Variants in CANX observed in about 807,000 individuals in gnomAD.
The protein encoded by CANX is calnexin.
CANX carries 14 observed loss-of-function variants against 75.7 expected under a neutral mutation model. That is an observed-to-expected ratio of 0.19 (90% CI 0.12 to 0.29). CANX has a LOEUF of 0.29. CANX is among the 10% of genes least tolerant of loss of function. CANX has a pLI of 1.00. For missense variants in CANX, 567 were observed against 713.2 expected, an observed-to-expected ratio of 0.79 and a Z score of 2.34; for synonymous variants, 227 against 236.9, an observed-to-expected ratio of 0.96 and a Z score of 0.38.
chr5:179,722,747 C>G, intron 10 of CANX, 57 bp from the exon 11 acceptor site: 1 of 1,232,910 alleles, frequency 8.1e-7, no homozygotes, highest in Non-Finnish European at 1.2e-6. Context: ...GTAGATTCAC[C>G]ATAAACTTTT....
intron 1 of CANX, among the ~76,000 whole-genome samples, chr5:179,692,386 T>C (rs1776313412): frequency 6.6e-6 from 1 of 152,118 alleles, no homozygotes; most frequent in Non-Finnish European, 1.5e-5. Context: ...TCTGTGTTCC[T>C]TATAACCAAA....
intron 1 of CANX, among the ~76,000 whole-genome samples, chr5:179,691,753 CTTCT>C (rs1776302079): frequency 6.6e-6 from 1 of 151,960 alleles, no homozygotes; most frequent in African/African-American, 2.4e-5. Context: ...CTATATCTCT[CTTCT>C]TTATTATTTA....
intron 7 of CANX, among the ~76,000 whole-genome samples, chr5:179,713,774 C>T (rs1777736835): frequency 6.6e-6 from 1 of 151,960 alleles, no homozygotes; most frequent in Admixed American, 6.6e-5. Flanking sequence ...ATTATTCAGG[C>T]TTGGTAGCAT....
chr5:179,696,531 C>T (rs978091508), upstream of CANX, among the ~76,000 whole-genome samples: 2 of 152,094 alleles, frequency 1.3e-5, no homozygotes, highest in Non-Finnish European at 2.9e-5. Flanking sequence ...CCGCCTCAGC[C>T]TCCCAAAGTG....
At chr5:179,715,434 A>AG (rs2113212334) in intron 7 of CANX, among the ~76,000 whole-genome samples, 1 of 152,278 alleles carries the variant, frequency 6.6e-6, no homozygotes, top group South Asian at 2.1e-4. Context: ...GCTACTGCGG[A>AG]GGCTGAGGCA....
intron 1 of CANX, among the ~76,000 whole-genome samples, chr5:179,686,528 T>C (rs1260762848): frequency 6.6e-6 from 1 of 151,986 alleles, no homozygotes; most frequent in Admixed American, 6.6e-5. Flanking sequence ...CTGGAGTCTA[T>C]TGGTGGTGTG....
intron 1 of CANX, among the ~76,000 whole-genome samples, chr5:179,704,953 G>T (rs1258114352): frequency 6.6e-6 from 1 of 151,888 alleles, no homozygotes; most frequent in East Asian, 1.9e-4. Flanking sequence ...TTGAGCAACC[G>T]TATCCATATT....
At chr5:179,700,781 A>G (rs1021504883) in intron 1 of CANX, 2 of 153,070 alleles carry the variant, frequency 1.3e-5, no homozygotes, top group African/African-American at 4.8e-5. Context: ...TTGCCCTGGA[A>G]GACAGCTTAA....
intron 7 of CANX, among the ~76,000 whole-genome samples, chr5:179,715,058 C>A (rs1269117816): frequency 6.6e-6 from 1 of 152,236 alleles, no homozygotes; most frequent in Non-Finnish European, 1.5e-5. Flanking sequence ...AGCCACCACA[C>A]CCGTTTCTTA....
At chr5:179,724,876 G>A in intron 13 of CANX, 93 bp downstream of exon 13, 7 of 1,475,526 alleles carry the variant, frequency 4.7e-6, no homozygotes, top group Non-Finnish European at 6.3e-6. Context: ...TTTTAGCCAG[G>A]CGTGGTGGCT....
chr5:179,688,599 G>C (rs1280868997), intron 1 of CANX, among the ~76,000 whole-genome samples: 1 of 149,360 alleles, frequency 6.7e-6, no homozygotes, highest in South Asian at 2.1e-4. Flanking sequence ...TCCTGACCTT[G>C]TGATCCACCT....
chr5:179,694,778 T>A, upstream of CANX: 1 of 503,482 alleles, frequency 2.0e-6, no homozygotes, highest in South Asian at 2.1e-5. Flanking sequence ...AACAAAGTGT[T>A]TATCTGTCAA....
chr5:179,708,502 G>A, intron 5 of CANX, 122 bp downstream of exon 5: 1 of 825,654 alleles, frequency 1.2e-6, no homozygotes, highest in South Asian at 2.4e-5. Context: ...GGATTTTTGG[G>A]TGAATTTAAA....
chr5:179,724,216 GT>G (rs1778496238), intron 12 of CANX, among the ~76,000 whole-genome samples: 1 of 148,946 alleles, frequency 6.7e-6, no homozygotes, highest in Admixed American at 6.7e-5. Flanking sequence ...CAGCCTTATT[GT>G]TAGTTTTTCT....
intron 1 of CANX, among the ~76,000 whole-genome samples, chr5:179,684,407 TCAGC>T (rs1776145480): frequency 6.7e-6 from 1 of 150,320 alleles, no homozygotes. Flanking sequence ...TTTTTTTTTT[TCAGC>T]TCACTGCAAG....
chr5:179,728,131 A>G (rs564181343), intron 14 of CANX, among the ~76,000 whole-genome samples: 1 of 152,358 alleles, frequency 6.6e-6, no homozygotes, highest in East Asian at 1.9e-4. Context: ...GCATTTAAAA[A>G]AAGGGAATAT....
chr5:179,682,282 A>G (rs1261537016), intron 1 of CANX, among the ~76,000 whole-genome samples: 1 of 151,814 alleles, frequency 6.6e-6, no homozygotes, highest in Non-Finnish European at 1.5e-5. Flanking sequence ...GATTAAATTA[A>G]TAAGAATATC....
chr5:179,695,470 C>T (rs1387532303), upstream of CANX, among the ~76,000 whole-genome samples: 1 of 151,802 alleles, frequency 6.6e-6, no homozygotes, highest in Non-Finnish European at 1.5e-5. Context: ...GCTGGGATTA[C>T]AGGCATTAGC....
rs935842638 is a variant in CANX at position 179,720,568 on chromosome 5, C to G, written c.1182+8C>G. On this transcript the variant is annotated splice_region_variant and intron_variant, in intron 10 of 14. Transcript: ENST00000247461. ...GACAATCCCAGTTACCAGGTTTGTG[C>G]CTCTTGATGGTTGAGTTGCTTTCAT... 5 of 1,612,458 alleles carry G rather than the reference C, an allele frequency of 3.1e-6. No individual in the cohort carries two copies. The highest frequency in any genetic ancestry group is 1.7e-5 in the Admixed American group (1 of 59,998).
Sources: allele counts gnomAD v4.1 joint callset (sites outside exome capture counted in the v4.1 genomes callset), GRCh38; gene constraint gnomAD v4.1.1; transcripts MANE v1.5; gene names NCBI Gene and HGNC (gene_info 2026-07-23, HGNC 2026-07-21).